The following CDKAL1 variants were observed in gnomAD, a reference collection of about 807,000 sequenced individuals.
CDKAL1 encodes threonylcarbamoyladenosine tRNA methylthiotransferase.
A neutral mutation model predicts 68.2 loss-of-function variants in CDKAL1; 32 were observed. That is an observed-to-expected ratio of 0.47 (90% CI 0.35 to 0.63). The LOEUF is 0.63. Among genes scored for constraint, CDKAL1 ranks in the 30% least tolerant of loss-of-function variants. CDKAL1 has a pLI of 0.00. For synonymous variants in CDKAL1, 234 were observed against 244.3 expected, an observed-to-expected ratio of 0.96 and a Z score of 0.39; for missense variants, 606 against 696.7, an observed-to-expected ratio of 0.87 and a Z score of 1.47.
chr6:20,950,447 AT>A (rs1469721955), intron 9 of CDKAL1, among the ~76,000 whole-genome samples: 1 of 152,126 alleles, frequency 6.6e-6, no homozygotes, highest in East Asian at 1.9e-4. Context: ...CTCTAAGATT[AT>A]TTTTTTAAGA....
At chr6:20,866,615 G>A (rs2150532747) in intron 9 of CDKAL1, among the ~76,000 whole-genome samples, 1 of 152,336 alleles carries the variant, frequency 6.6e-6, no homozygotes, top group African/African-American at 2.4e-5. Flanking sequence ...CCAGGAGTTA[G>A]TGGATAGAAT....
intron 5 of CDKAL1, among the ~76,000 whole-genome samples, chr6:20,669,639 T>G (rs1298583780): frequency 6.6e-6 from 1 of 152,210 alleles, no homozygotes; most frequent in Non-Finnish European, 1.5e-5. Flanking sequence ...TTCAGCAGTA[T>G]TAACTCCATT....
intron 4 of CDKAL1, among the ~76,000 whole-genome samples, chr6:20,570,313 A>G (rs1029370693): frequency 6.6e-6 from 1 of 151,984 alleles, no homozygotes; most frequent in Admixed American, 6.6e-5. Flanking sequence ...CATGTTGGCC[A>G]GTATGGTCTC....
chr6:20,785,633 G>A (rs1221301018), intron 8 of CDKAL1, among the ~76,000 whole-genome samples: 1 of 151,924 alleles, frequency 6.6e-6, no homozygotes, highest in East Asian at 1.9e-4. Flanking sequence ...TTTCATGCTG[G>A]TGGAGCTCAT....
At chr6:20,677,078 TG>T (rs1359274438) in intron 5 of CDKAL1, among the ~76,000 whole-genome samples, 9 of 127,966 alleles carry the variant, frequency 7.0e-5, no homozygotes, top group African/African-American at 3.6e-4. Flanking sequence ...TAATTTTTTT[TG>T]TGTGTGTGTG....
chr6:20,746,043 T>C (rs1773652292), intron 6 of CDKAL1, among the ~76,000 whole-genome samples: 1 of 152,224 alleles, frequency 6.6e-6, no homozygotes, highest in South Asian at 2.1e-4. Context: ...TGTTGAATTT[T>C]GTTTTTATTG....
At chr6:20,761,010 T>C (rs1422534550) in intron 7 of CDKAL1, among the ~76,000 whole-genome samples, 1 of 152,104 alleles carries the variant, frequency 6.6e-6, no homozygotes, top group African/African-American at 2.4e-5. Context: ...AATACACATA[T>C]GATAAAGGGC....
intron 11 of CDKAL1, among the ~76,000 whole-genome samples, chr6:21,057,808 G>T (rs1019000600): frequency 6.6e-6 from 1 of 152,186 alleles, no homozygotes. Flanking sequence ...CAGTTTCCAT[G>T]TAGTTGTGTG....
chr6:20,719,331 T>C (rs973129161), intron 5 of CDKAL1, among the ~76,000 whole-genome samples: 7 of 152,208 alleles, frequency 4.6e-5, no homozygotes, highest in Admixed American at 6.5e-5. Flanking sequence ...TCTTTAATAG[T>C]AATTCTGAAT....
At chr6:21,163,772 G>T (rs1777025267) in intron 13 of CDKAL1, among the ~76,000 whole-genome samples, 1 of 151,984 alleles carries the variant, frequency 6.6e-6, no homozygotes, top group African/African-American at 2.4e-5. Context: ...GGCCAACATG[G>T]CAAACCCCAT....
At chr6:21,142,730 C>T (rs1775980616) in intron 13 of CDKAL1, among the ~76,000 whole-genome samples, 1 of 152,204 alleles carries the variant, frequency 6.6e-6, no homozygotes, top group Non-Finnish European at 1.5e-5. Flanking sequence ...AAATGTAATA[C>T]TGCAGCCTTA....
At chr6:21,033,564 A>G (rs1235010058) in intron 11 of CDKAL1, among the ~76,000 whole-genome samples, 1 of 152,084 alleles carries the variant, frequency 6.6e-6, no homozygotes, top group African/African-American at 2.4e-5. Flanking sequence ...AAGGAGGGAA[A>G]CATATGGAAT....
chr6:21,056,143 T>C (rs1227834083), intron 11 of CDKAL1, among the ~76,000 whole-genome samples: 1 of 152,184 alleles, frequency 6.6e-6, no homozygotes, highest in Admixed American at 6.5e-5. Context: ...CTTTTTTTCA[T>C]GTTTGTTGGC....
intron 4 of CDKAL1, among the ~76,000 whole-genome samples, chr6:20,595,689 C>T (rs1190178496): frequency 6.6e-6 from 1 of 152,128 alleles, no homozygotes; most frequent in Non-Finnish European, 1.5e-5. Flanking sequence ...TCGTCACACT[C>T]ATTCTCTGTC....
chr6:21,192,107 C>A (rs1286692516), intron 13 of CDKAL1, among the ~76,000 whole-genome samples: 1 of 136,456 alleles, frequency 7.3e-6, no homozygotes, highest in Non-Finnish European at 1.5e-5. Flanking sequence ...CTGCAAGCTC[C>A]GCTTCCCGGG....
chr6:21,219,391 T>C (rs541398673), intron 15 of CDKAL1, among the ~76,000 whole-genome samples: 1 of 152,338 alleles, frequency 6.6e-6, no homozygotes, highest in East Asian at 1.9e-4. Flanking sequence ...GTTTTGCTTT[T>C]TGGAATTTTG....
At chr6:20,655,861 A>G (rs1308678506) in intron 5 of CDKAL1, among the ~76,000 whole-genome samples, 1 of 152,190 alleles carries the variant, frequency 6.6e-6, no homozygotes, top group East Asian at 1.9e-4. Flanking sequence ...AAGAGATGAC[A>G]TGTTTTGGTT....
intron 4 of CDKAL1, among the ~76,000 whole-genome samples, chr6:20,567,382 T>C (rs779609993): frequency 6.6e-6 from 1 of 152,002 alleles, no homozygotes; most frequent in Non-Finnish European, 1.5e-5. Context: ...ATAAGGAAAA[T>C]TCACTATTAC....
At position 20,869,989 on chromosome 6, in the gene CDKAL1, G is replaced by A. The variant is rs190374994; in HGVS notation, c.742+23811G>A. ...ATAAGTACAAATATAACATTTATAT[G>A]GTCTGAGTGCTTGAACACCTTTCTA... is the stretch of plus-strand genomic sequence containing the variant. On this transcript the variant is annotated intron_variant, in intron 9 of 15. Coordinates refer to ENST00000274695, the MANE Select transcript of CDKAL1 (RefSeq NM_017774.3). Among the ~76,000 whole-genome samples the A allele has an allele frequency of 2.0e-5, 3 of 152,224 alleles. No homozygotes were observed. In the East Asian group the frequency reaches 5.8e-4, roughly 29 times the overall value.
Sources: gnomAD v4.1 joint callset for allele counts (sites outside exome capture counted in the v4.1 genomes callset) on GRCh38, gnomAD v4.1.1 for gene constraint, MANE v1.5 for transcripts, NCBI Gene and HGNC (gene_info 2026-07-23, HGNC 2026-07-21) for gene names.